Variants in VSTM5 observed in about 807,000 individuals in gnomAD.
VSTM5 encodes the protein V-set and transmembrane domain-containing protein 5.
Under a neutral mutation model 20.3 loss-of-function variants are expected in VSTM5, and 21 were observed. That is an observed-to-expected ratio of 1.03 (90% confidence interval 0.73 to 1.49). The LOEUF (loss-of-function observed/expected upper bound fraction) is 1.49. Ranked by LOEUF, VSTM5 falls within the 40% of genes most tolerant of loss-of-function variation. The pLI, the probability that VSTM5 is intolerant of heterozygous loss-of-function variation, is 0.00. For missense variants in VSTM5, 219 were observed against 250.0 expected (o/e 0.88, Z 0.84); for synonymous variants, 100 against 102.5 (o/e 0.98, Z 0.14).
rs1944169814 is a variant in VSTM5 at position 93,820,374 on chromosome 11, A to C, written c.*195T>G. 4.9e-6 allele frequency: 3 copies of C among 609,148 alleles called. No homozygotes were observed. The highest frequency in any genetic ancestry group is 8.6e-6 in the Non-Finnish European group (3 of 348,092). The allele number at this position is 609,148 out of a possible 1,614,324, so 37.7% of individuals were successfully genotyped here. On this transcript the variant is annotated 3_prime_UTR_variant, in exon 4 of 4. Transcript: ENST00000409977. Reference sequence around the variant, plus strand: ...CTCAATCACTCTTCTCCTTGAACTTAGCGCGAGTCCTAATACTAGCTTTGT... The same window carrying C: ...CTCAATCACTCTTCTCCTTGAACTTCGCGCGAGTCCTAATACTAGCTTTGT...
chr11:93,831,887 G>T (rs548102762), intron 1 of VSTM5, among the ~76,000 whole-genome samples: 25 of 152,338 alleles, frequency 1.6e-4, no homozygotes, highest in African/African-American at 5.8e-4. Flanking sequence ...CAAAGATGAA[G>T]AAGTTTGATA....
rs1293101556 is a variant in VSTM5 at position 93,818,371 on chromosome 11, A to G, written c.*2198T>C. On this transcript the variant is annotated 3_prime_UTR_variant, in exon 4 of 4. Coordinates refer to ENST00000409977, the MANE Select transcript of VSTM5 (RefSeq NM_001144871.2). Reference sequence around the variant, plus strand: ...GAAAAGCAAAAACCTCAGGCTCTGCATTTTAAACCTTTCCACAGGAATGTT... The same window carrying G: ...GAAAAGCAAAAACCTCAGGCTCTGCGTTTTAAACCTTTCCACAGGAATGTT... 1 of 152,082 alleles carries G rather than the reference A, an allele frequency of 6.6e-6. No homozygotes were observed. Among genetic ancestry groups the G allele is most frequent in the Non-Finnish European group, 1.5e-5 (1 of 68,022 alleles). 9.4% of individuals were successfully genotyped at this position (152,082 alleles called of 1,614,324 possible).
intron 1 of VSTM5, among the ~76,000 whole-genome samples, chr11:93,827,076 T>C (rs2135731707): frequency 6.6e-6 from 1 of 152,302 alleles, no homozygotes; most frequent in East Asian, 1.9e-4. Context: ...CTATCACATA[T>C]AATTAGGAAT....
At chr11:93,820,654 C>T in intron 3 of VSTM5, 42 bp from the exon 4 acceptor site, 1 of 1,551,700 alleles carries the variant, frequency 6.4e-7, no homozygotes, top group Non-Finnish European at 8.7e-7. Context: ...AATCAAGCCA[C>T]ATAGTGCTTT....
At position 93,818,933 on chromosome 11, in the gene VSTM5, GTGCTAGAGC is replaced by G. The variant is rs1025176889; in HGVS notation, c.*1627_*1635del. The G allele has an allele frequency of 3.3e-5, 5 of 152,320 alleles. No individual in the cohort carries two copies. Among genetic ancestry groups the G allele is most frequent in the Middle Eastern group, 3.4e-3 (1 of 294 alleles). The allele number at this position is 152,320 out of a possible 1,614,324, so 9.4% of individuals were successfully genotyped here. ...CTTGAGGGTATCTTCTACCTGTCAG[GTGCTAGAGC>G]TACACATCCGTTGTGTAGACCAACT... On this transcript the variant is annotated 3_prime_UTR_variant, in exon 4 of 4. Transcript: ENST00000409977.
In VSTM5 at chr11:93,843,362, G is replaced by A. The variant is rs190854639; in HGVS notation, c.91+7050C>T. Among the ~76,000 whole-genome samples the A allele has an allele frequency of 5.3e-5, 8 of 152,048 alleles. 1 individual carries two copies. The highest frequency in any genetic ancestry group is 4.2e-4 in the South Asian group (2 of 4,802). ...AATGGTTCATCCTCCTCGATCTGCC[G>A]TCAGCTATGTGAACACAGGGGTTGG... On this transcript the variant is annotated intron_variant, in intron 1 of 3. Transcript: ENST00000409977.
At chr11:93,836,042 T>G (rs1591400667) in intron 1 of VSTM5, among the ~76,000 whole-genome samples, 1 of 152,184 alleles carries the variant, frequency 6.6e-6, no homozygotes, top group African/African-American at 2.4e-5. Context: ...TGAAAGGCTC[T>G]CCCAGCCAGT....
At chr11:93,829,810 C>T (rs1250758341) in intron 1 of VSTM5, among the ~76,000 whole-genome samples, 1 of 152,182 alleles carries the variant, frequency 6.6e-6, no homozygotes, top group Admixed American at 6.5e-5. Flanking sequence ...TGGGGACAGG[C>T]TCATCGGGTG....
rs181162057 is a variant in VSTM5, at chr11:93,828,936, A to C, written c.92-7613T>G. 1.2e-3 allele frequency among the ~76,000 whole-genome samples: 176 copies of C among 152,302 alleles called. 1 individual carries two copies. Among genetic ancestry groups the C allele is most frequent in the Admixed American group, 2.0e-3 (31 of 15,300 alleles). On this transcript the variant is annotated intron_variant, in intron 1 of 3. Transcript: ENST00000409977. ...CACCTGATGTGGGCAGGACACACCC[A>C]GGCTCTACCCTGAGACCTCCTAGCT... is the stretch of plus-strand genomic sequence containing the variant.
intron 1 of VSTM5, among the ~76,000 whole-genome samples, chr11:93,845,577 C>T (rs1162758003): frequency 6.6e-6 from 1 of 152,202 alleles, no homozygotes; most frequent in Non-Finnish European, 1.5e-5. Context: ...CAATCCCCAT[C>T]CCTCCCACTC....
chr11:93,841,903 T>C (rs111512206), intron 1 of VSTM5, among the ~76,000 whole-genome samples: 35 of 152,294 alleles, frequency 2.3e-4, no homozygotes, highest in African/African-American at 7.9e-4. Flanking sequence ...GTAGAACAGA[T>C]GCATTCATGG....
intron 1 of VSTM5, among the ~76,000 whole-genome samples, chr11:93,840,283 G>T (rs907601397): frequency 6.6e-6 from 1 of 152,148 alleles, no homozygotes; most frequent in African/African-American, 2.4e-5. Flanking sequence ...GATCATCTGG[G>T]GAAGGTTTTA....
intron 1 of VSTM5, among the ~76,000 whole-genome samples, chr11:93,831,474 T>C (rs1438367852): frequency 1.3e-5 from 2 of 152,176 alleles, no homozygotes; most frequent in Non-Finnish European, 2.9e-5. Flanking sequence ...ACAGTGCTGA[T>C]AGCTGCCCTG....
chr11:93,845,272 A>G (rs569891245), intron 1 of VSTM5, among the ~76,000 whole-genome samples: 2 of 152,312 alleles, frequency 1.3e-5, no homozygotes, highest in South Asian at 4.1e-4. Flanking sequence ...GACCCCACAT[A>G]TGGGGCTTAC....
At chr11:93,850,272 G>C (rs1944448016) in intron 1 of VSTM5, 140 bp downstream of exon 1, 8 of 625,994 alleles carry the variant, frequency 1.3e-5, no homozygotes, top group Non-Finnish European at 2.0e-5. Flanking sequence ...CGCGGTGCCT[G>C]CCAGCCGAGC....
Position 93,820,327 on chromosome 11 carries a change from A to G in VSTM5, c.*242T>C. 1.9e-6 allele frequency: 1 copy of G among 527,704 alleles called. No homozygotes were observed. Among genetic ancestry groups the G allele is most frequent in the South Asian group, 2.1e-5 (1 of 48,394 alleles). 32.7% of individuals were successfully genotyped at this position (527,704 alleles called of 1,614,324 possible). Reference sequence around the variant, plus strand: ...CAGCACGGCCCTGATGCTGCAGCCAAGCGAAGCTCCTGGTTCAAAGCCTCA... The same window carrying G: ...CAGCACGGCCCTGATGCTGCAGCCAGGCGAAGCTCCTGGTTCAAAGCCTCA... On this transcript the variant is annotated 3_prime_UTR_variant, in exon 4 of 4. Coordinates refer to ENST00000409977, the MANE Select transcript of VSTM5 (RefSeq NM_001144871.2).
intron 1 of VSTM5, among the ~76,000 whole-genome samples, chr11:93,842,608 C>T (rs1944379442): frequency 6.6e-6 from 1 of 152,222 alleles, no homozygotes; most frequent in Admixed American, 6.5e-5. Flanking sequence ...GCTGGGTTTG[C>T]CGTCTGCAAA....
intron 1 of VSTM5, among the ~76,000 whole-genome samples, chr11:93,833,721 C>T (rs77097539): frequency 0.041 from 6,297 of 152,266 alleles, 411 homozygotes; most frequent in African/African-American, 0.14. Flanking sequence ...CTCTCAACAA[C>T]GTGAGCTCTC....
intron 1 of VSTM5, among the ~76,000 whole-genome samples, chr11:93,833,777 T>G (rs921829780): frequency 6.6e-6 from 1 of 152,028 alleles, no homozygotes; most frequent in African/African-American, 2.4e-5. Context: ...TTGGCGCCCT[T>G]TACTGCAAGT....
Sources: allele counts gnomAD v4.1 joint callset (sites outside exome capture counted in the v4.1 genomes callset), GRCh38; gene constraint gnomAD v4.1.1; transcripts MANE v1.5; gene names NCBI Gene and HGNC (gene_info 2026-07-23, HGNC 2026-07-21).